The following CFAP299 variants were observed in gnomAD, a reference collection of about 807,000 sequenced individuals.
CFAP299 encodes the protein cilia and flagella associated protein 299.
In CFAP299, 21 loss-of-function variants were observed where a neutral mutation model predicts 27.0. The ratio of observed to expected loss-of-function variants is 0.78; its 90% CI spans 0.55 to 1.12. The LOEUF (loss-of-function observed/expected upper bound fraction) is 1.12. CFAP299 is among the 50% of genes most tolerant of loss of function. CFAP299 has a pLI of 0.00. For missense variants in CFAP299, 310 were observed against 276.6 expected (o/e 1.12, Z -0.86); for synonymous variants, 104 against 98.1 (o/e 1.06, Z -0.36).
intron 2 of CFAP299, among the ~76,000 whole-genome samples, chr4:80,566,156 A>G (rs1286622338): frequency 5.3e-5 from 8 of 152,064 alleles, no homozygotes; most frequent in Admixed American, 2.0e-4. Flanking sequence ...ATCCAACTCT[A>G]TCACTTTCTC....
intron 2 of CFAP299, among the ~76,000 whole-genome samples, chr4:80,418,154 T>C (rs1278360612): frequency 2.6e-5 from 4 of 152,172 alleles, no homozygotes; most frequent in African/African-American, 9.7e-5. Flanking sequence ...CTGCACAGTC[T>C]GGGACAATAT....
intron 3 of CFAP299, among the ~76,000 whole-genome samples, chr4:80,862,056 A>G (rs1421706835): frequency 6.6e-6 from 1 of 152,168 alleles, no homozygotes; most frequent in African/African-American, 2.4e-5. Context: ...AATTATTCTT[A>G]ATTTCACCGG....
the CFAP299 span, among the ~76,000 whole-genome samples, chr4:80,327,122 T>C: frequency 6.6e-6 from 1 of 152,244 alleles, no homozygotes; most frequent in African/African-American, 2.4e-5. Context: ...CATATAAAGA[T>C]GTAATGAGGA....
intron 2 of CFAP299, among the ~76,000 whole-genome samples, chr4:80,444,796 A>G (rs1385478240): frequency 6.6e-6 from 1 of 152,226 alleles, no homozygotes; most frequent in Non-Finnish European, 1.5e-5. Context: ...AAGGGTTAAT[A>G]TCCAGAATCT....
chr4:80,532,264 T>A (rs1733515757), intron 2 of CFAP299, among the ~76,000 whole-genome samples: 2 of 152,328 alleles, frequency 1.3e-5, no homozygotes, highest in East Asian at 3.9e-4. Flanking sequence ...TTTTTTCTAT[T>A]TTTTAAATAA....
chr4:80,485,280 T>C (rs1730754120), intron 2 of CFAP299, among the ~76,000 whole-genome samples: 1 of 149,438 alleles, frequency 6.7e-6, no homozygotes, highest in Admixed American at 6.7e-5. Flanking sequence ...ATTTTATATA[T>C]ATATAAAACA....
intron 4 of CFAP299, among the ~76,000 whole-genome samples, chr4:80,939,513 A>C (rs1737086125): frequency 6.6e-6 from 1 of 151,068 alleles, no homozygotes; most frequent in South Asian, 2.1e-4. Context: ...TATGATTTCT[A>C]GTTCTTTGTT....
intron 2 of CFAP299, among the ~76,000 whole-genome samples, chr4:80,397,884 A>T (rs1464629218): frequency 6.6e-6 from 1 of 152,222 alleles, no homozygotes; most frequent in Non-Finnish European, 1.5e-5. Flanking sequence ...TAAGGAAAAG[A>T]AAAAGTCAAA....
intron 5 of CFAP299, among the ~76,000 whole-genome samples, chr4:80,946,534 T>G (rs759986937): frequency 1.3e-5 from 2 of 152,198 alleles, no homozygotes; most frequent in African/African-American, 4.8e-5. Flanking sequence ...CTGGGAAATA[T>G]AATCTTTATT....
chr4:80,424,217 A>G (rs1236078013), intron 2 of CFAP299, among the ~76,000 whole-genome samples: 3 of 152,164 alleles, frequency 2.0e-5, no homozygotes, highest in East Asian at 1.9e-4. Flanking sequence ...TTCTCTGACT[A>G]TGGCTCTTCC....
chr4:80,604,939 A>G (rs1476047338), intron 3 of CFAP299, among the ~76,000 whole-genome samples: 2 of 151,844 alleles, frequency 1.3e-5, no homozygotes, highest in African/African-American at 4.8e-5. Flanking sequence ...GGAGAGGAGA[A>G]TTCTGAACTG....
rs528432625 is a variant in CFAP299 at position 80,554,824 on chromosome 4, G to T, written c.243-28269G>T. On this transcript the variant is annotated intron_variant, in intron 2 of 5. Transcript: ENST00000358105. ...TTGGCTGTTGTTGGTGTAAAGGGATGCTAGTGATTTTTGTACATTGATTTT... is the reference window on the plus strand; with the variant it reads ...TTGGCTGTTGTTGGTGTAAAGGGATTCTAGTGATTTTTGTACATTGATTTT... 5.8e-4 allele frequency among the ~76,000 whole-genome samples: 88 copies of T among 152,210 alleles called. 1 individual carries two copies. The highest frequency in any genetic ancestry group is 1.9e-3 in the African/African-American group (81 of 41,544).
chr4:80,639,370 A>C (rs990291418), intron 3 of CFAP299, among the ~76,000 whole-genome samples: 7 of 152,198 alleles, frequency 4.6e-5, no homozygotes, highest in African/African-American at 1.7e-4. Flanking sequence ...CCAGAAGAAC[A>C]TGGAGATGTT....
At chr4:80,549,165 A>G (rs1734383121) in intron 2 of CFAP299, among the ~76,000 whole-genome samples, 1 of 152,084 alleles carries the variant, frequency 6.6e-6, no homozygotes, top group Non-Finnish European at 1.5e-5. Context: ...GGTTTAATCA[A>G]GAAAGTAACA....
chr4:80,546,701 AC>A (rs143097920), intron 2 of CFAP299, among the ~76,000 whole-genome samples: 1,629 of 151,680 alleles, frequency 0.011, 33 homozygotes, highest in African/African-American at 0.036. Flanking sequence ...CTTCACTCCT[AC>A]TCTCTCTTGC....
chr4:80,812,670 A>G (rs1729217519), intron 3 of CFAP299, among the ~76,000 whole-genome samples: 1 of 152,252 alleles, frequency 6.6e-6, no homozygotes, highest in Admixed American at 6.6e-5. Context: ...GCGTCAATAG[A>G]GTTACATTGG....
intron 5 of CFAP299, among the ~76,000 whole-genome samples, chr4:80,948,437 TTCACACCCACCAAAA>T (rs1229189632): frequency 2.9e-5 from 2 of 68,050 alleles, no homozygotes; most frequent in East Asian, 8.3e-4. Flanking sequence ...GTTTGAGTGA[TTCACACCCACCAAAA>T]TGTTTCCAGT....
At chr4:80,937,681 A>G (rs1001385885) in intron 4 of CFAP299, among the ~76,000 whole-genome samples, 4 of 152,098 alleles carry the variant, frequency 2.6e-5, no homozygotes, top group Non-Finnish European at 5.9e-5. Context: ...TACAAAATTG[A>G]TTTAGTCACT....
chr4:80,404,249 C>T (rs969877276), intron 2 of CFAP299, among the ~76,000 whole-genome samples: 1 of 151,904 alleles, frequency 6.6e-6, no homozygotes, highest in East Asian at 1.9e-4. Context: ...CACACACACA[C>T]AATATAATTC....
Sources: allele counts gnomAD v4.1 joint callset (sites outside exome capture counted in the v4.1 genomes callset), GRCh38; gene constraint gnomAD v4.1.1; transcripts MANE v1.5; gene names NCBI Gene and HGNC (gene_info 2026-07-23, HGNC 2026-07-21).